The following DLEC1 variants were observed in gnomAD, a reference collection of about 807,000 sequenced individuals.
The protein encoded by DLEC1 is DLEC1 cilia and flagella associated protein, also known as deleted in lung and esophageal cancer protein 1.
Under a neutral mutation model 198.1 loss-of-function variants are expected in DLEC1, and 146 were observed. The ratio of observed to expected loss-of-function variants is 0.74; its 90% confidence interval spans 0.64 to 0.85. DLEC1 has a LOEUF of 0.85. Among genes scored for constraint, DLEC1 ranks in the 40% least tolerant of loss-of-function variants. DLEC1 has a pLI of 0.00. For missense variants in DLEC1, 2,233 were observed against 2,220.0 expected (o/e 1.01, Z -0.12); for synonymous variants, 897 against 866.8 (o/e 1.03, Z -0.61).
At chr3:38,067,727 A>C (rs1418244943) in intron 6 of DLEC1, among the ~76,000 whole-genome samples, 1 of 149,858 alleles carries the variant, frequency 6.7e-6, no homozygotes, top group African/African-American at 2.5e-5. Context: ...AGACTTTTAC[A>C]TGACAATGCA....
At chr3:38,117,724 C>A in intron 32 of DLEC1, 82 bp from the exon 33 acceptor site, 2 of 1,587,362 alleles carry the variant, frequency 1.3e-6, no homozygotes, top group East Asian at 4.5e-5. Context: ...CTCCCCCAGC[C>A]CTCCCAGCCC....
chr3:38,079,736 G>A (rs149319077), intron 6 of DLEC1, among the ~76,000 whole-genome samples: 3 of 152,310 alleles, frequency 2.0e-5, no homozygotes, highest in African/African-American at 4.8e-5. Flanking sequence ...TCTGGCACTC[G>A]TAGCAAGCTC....
intron 19 of DLEC1, among the ~76,000 whole-genome samples, chr3:38,102,212 G>A (rs2125707528): frequency 6.6e-6 from 1 of 152,102 alleles, no homozygotes; most frequent in African/African-American, 2.4e-5. Context: ...CTTGGGGAGA[G>A]GCCACTTAGA....
rs1291316101 is a variant in DLEC1, at chr3:38,086,310, A to G, written c.1505A>G (p.Asn502Ser). The G allele has an allele frequency of 1.2e-6, 2 of 1,613,268 alleles. No homozygotes were observed. Among genetic ancestry groups the G allele is most frequent in the Non-Finnish European group, 1.7e-6 (2 of 1,179,620 alleles). The stretch of plus-strand genomic sequence containing the variant: ...AAGATGACCAGATTCATCTGCAAAA[A>G]TGTGGGTTTCAGTGTTGGCAGGTTC... ...GVKMTRFICK[N>S]VGFSVGRFCI... Residue 502 changes from asparagine (N) to serine (S), a missense_variant, in exon 9 of 37, where the codon AAT (asparagine) becomes AGT (serine). Transcript: ENST00000308059.
At position 38,088,372 on chromosome 3, in the gene DLEC1, A is replaced by T. The variant is rs753702252; in HGVS notation, c.1649A>T (p.His550Leu). ...LPSVFELAPG[H>L]AILVEVLFSP... The stretch of plus-strand genomic sequence containing the variant: ...TCGGTGTTTGAGCTGGCCCCGGGAC[A>T]TGCTATATTAGTGGAGGTAGGTAAT... Residue 550 changes from histidine to leucine, a missense_variant, in exon 10 of 37, where the codon CAT becomes CTT. Transcript: ENST00000308059. 4 of 1,613,484 alleles carry T rather than the reference A, an allele frequency of 2.5e-6. No homozygotes were observed. In the South Asian group the frequency reaches 4.4e-5, roughly 18 times the overall value.
Position 38,107,824 on chromosome 3 carries a change from C to T in DLEC1, c.3018+87C>T, listed in dbSNP as rs938807744. On this transcript the variant is annotated intron_variant, in intron 20 of 36. Transcript: ENST00000308059. ...AGGGGGGCATTGTCCCCCAAATATC[C>T]TCACAGAACAGAGATACTCAGCCTC... 4.1e-6 allele frequency: 6 copies of T among 1,459,514 alleles called. No individual in the cohort carries two copies. The Admixed American group carries it at 9.6e-5, about 23-fold the overall frequency. The allele number at this position is 1,459,514 out of a possible 1,614,324, so 90.4% of individuals were successfully genotyped here.
Position 38,097,921 on chromosome 3 carries a change from G to T in DLEC1, c.2724+19G>T, listed in dbSNP as rs766434168. 3.7e-6 allele frequency: 6 copies of T among 1,613,990 alleles called. No homozygotes were observed. Among genetic ancestry groups the T allele is most frequent in the Admixed American group, 1.7e-5 (1 of 60,018 alleles). ...TGAGGATGTAAGTCAGGCACTGCTG[G>T]TTCCTCTGGTGCCCCCACAATGAGC... On this transcript the variant is annotated intron_variant, in intron 18 of 36. Transcript: ENST00000308059.
At chr3:38,080,296 A>G (rs1321286772) in intron 6 of DLEC1, among the ~76,000 whole-genome samples, 1 of 152,100 alleles carries the variant, frequency 6.6e-6, no homozygotes, top group Non-Finnish European at 1.5e-5. Context: ...AGGCTGAAGA[A>G]GAATTGGGAC....
Position 38,108,449 on chromosome 3 carries a change from C to T in DLEC1, c.3063C>T (p.Pro1021=). The T allele has an allele frequency of 6.2e-7, 1 of 1,614,210 alleles. No individual in the cohort carries two copies. Among genetic ancestry groups the T allele is most frequent in the Non-Finnish European group, 8.5e-7 (1 of 1,180,028 alleles). The change falls in exon 21 of 37, where the codon CCC becomes CCT. Residue 1021 remains proline (P), a synonymous_variant. Transcript: ENST00000308059. ...AATTCTGCATGGTGACAGTCTCCCCCAAACATGGCCTGCTGGGCCCAAGTG... is the reference window on the plus strand; with the variant it reads ...AATTCTGCATGGTGACAGTCTCCCCTAAACATGGCCTGCTGGGCCCAAGTG... ...QAEFCMVTVS[P]KHGLLGPSEE...
chr3:38,086,465 A>C (rs868590083), intron 9 of DLEC1, 88 bp downstream of exon 9: 1 of 1,494,302 alleles, frequency 6.7e-7, no homozygotes, highest in East Asian at 2.3e-5. Flanking sequence ...TATACCTATG[A>C]TTGGAAACAC....
chr3:38,063,018 G>GA (rs1696779524), intron 5 of DLEC1, among the ~76,000 whole-genome samples: 1 of 152,148 alleles, frequency 6.6e-6, no homozygotes, highest in Admixed American at 6.5e-5. Context: ...GGGGTCTTGA[G>GA]AAATAGGGGT....
chr3:38,109,558 T>G lies in DLEC1; in HGVS notation c.3256T>G (p.Cys1086Gly), dbSNP rs1307472596. The part of the protein sequence containing the change: ...AITISKESSD[C>G]STEQWPGHPK... ...TACCATCTCTAAGGAGAGCTCTGAT[T>G]GCAGGTGAGCCCAGGGTTGGTGGTC... The change falls in exon 22 of 37, where the codon TGC (cysteine) becomes GGC (glycine). Residue 1086 changes from cysteine (C) to glycine (G), a missense_variant. By Grantham distance (159) the Cys-to-Gly change is radical. Transcript: ENST00000308059. 6.2e-7 allele frequency: 1 copy of G among 1,614,160 alleles called. No homozygotes were observed. The highest frequency in any genetic ancestry group is 1.7e-5 in the Admixed American group (1 of 60,030).
chr3:38,041,135 T>C (rs1430766131), intron 1 of DLEC1, among the ~76,000 whole-genome samples: 1 of 152,136 alleles, frequency 6.6e-6, no homozygotes, highest in Non-Finnish European at 1.5e-5. Context: ...CTCAGCCTTC[T>C]GAGTAGCTGG....
intron 25 of DLEC1, among the ~76,000 whole-genome samples, chr3:38,113,392 A>G (rs1699986747): frequency 6.6e-6 from 1 of 152,154 alleles, no homozygotes; most frequent in Non-Finnish European, 1.5e-5. Context: ...ATTAGTAAAA[A>G]TTAATCCTAT....
At chr3:38,051,577 C>T (rs1342371724) in intron 2 of DLEC1, among the ~76,000 whole-genome samples, 1 of 152,196 alleles carries the variant, frequency 6.6e-6, no homozygotes, top group East Asian at 1.9e-4. Flanking sequence ...ATATCATTTC[C>T]ACTGTTGAGT....
Position 38,055,945 on chromosome 3 carries a change from G to A in DLEC1, c.563-3797G>A, listed in dbSNP as rs7614135. ...AAACATTAAGAAATTCAGGCTGATC[G>A]TGCTGGCTCAAGCCTGTAATCCCAG... On this transcript the variant is annotated intron_variant, in intron 2 of 36. Transcript: ENST00000308059. 5.0e-3 allele frequency among the ~76,000 whole-genome samples: 761 copies of A among 152,270 alleles called. 10 individuals carry two copies. The highest frequency in any genetic ancestry group is 0.016 in the African/African-American group (678 of 41,548).
At position 38,066,314 on chromosome 3, in the gene DLEC1, A is replaced by T. The variant is rs541512901; in HGVS notation, c.1173+2395A>T. The stretch of plus-strand genomic sequence containing the variant: ...AATTTCTAATTCTATTATTCCATCT[A>T]CATTTATTAGCTTGATTTTCCATTT... On this transcript the variant is annotated intron_variant, in intron 6 of 36. Coordinates refer to ENST00000308059, the MANE Select transcript of DLEC1 (RefSeq NM_007335.4). Among the ~76,000 whole-genome samples the T allele has an allele frequency of 4.6e-5, 7 of 152,346 alleles. No individual in the cohort carries two copies. In the East Asian group the frequency reaches 1.3e-3, roughly 29 times the overall value.
intron 31 of DLEC1, 46 bp from the exon 32 acceptor site, chr3:38,117,481 G>T (rs747299422): frequency 6.2e-7 from 1 of 1,612,638 alleles, no homozygotes; most frequent in Admixed American, 1.7e-5. Flanking sequence ...GCAGCCAGAA[G>T]GCCCCAGGCG....
In DLEC1 at chr3:38,039,271, A is replaced by C. The variant is rs749462656; in HGVS notation, c.46A>C (p.Thr16Pro). The C allele has an allele frequency of 6.2e-7, 1 of 1,613,892 alleles. No individual in the cohort carries two copies. The highest frequency in any genetic ancestry group is 1.1e-5 in the South Asian group (1 of 91,068). ...AACGCGGAGGTCTTTAGCGTCCCGG[A>C]CCAACGAGTGCCAGGGGACAATGTG... ...SKTRRSLASRTNECQGTMWAP... is the reference protein window; with the variant it reads ...SKTRRSLASRPNECQGTMWAP... The change falls in exon 1 of 37, where the codon ACC (threonine) becomes CCC (proline). Residue 16 changes from threonine (T) to proline (P), a missense_variant. Coordinates refer to ENST00000308059, the MANE Select transcript of DLEC1 (RefSeq NM_007335.4).
Sources: allele counts gnomAD v4.1 joint callset (sites outside exome capture counted in the v4.1 genomes callset), GRCh38; gene constraint gnomAD v4.1.1; transcripts MANE v1.5; gene names NCBI Gene and HGNC (gene_info 2026-07-23, HGNC 2026-07-21).